The following ABI3BP variants were observed in gnomAD, a reference collection of about 807,000 sequenced individuals.
The protein encoded by ABI3BP is ABI family member 3 binding protein.
Under a neutral mutation model 268.6 loss-of-function variants are expected in ABI3BP, and 216 were observed. The observed-to-expected ratio is 0.80, with a 90% CI of 0.72 to 0.90. The LOEUF (loss-of-function observed/expected upper bound fraction) is 0.90. Among genes scored for constraint, ABI3BP ranks in the 40% least tolerant of loss-of-function variants. The probability of loss-of-function intolerance (pLI) is 0.00; values close to 1 mark genes in which losing one functional copy is unlikely to be tolerated. For synonymous variants in ABI3BP, 730 were observed against 730.0 expected, an observed-to-expected ratio of 1.00 and a Z score of 0.00; for missense variants, 2,090 against 2,182.4, an observed-to-expected ratio of 0.96 and a Z score of 0.84.
At chr3:100,778,222 G>A in intron 59 of ABI3BP, 62 bp downstream of exon 59, 1 of 1,505,950 alleles carries the variant, frequency 6.6e-7, no homozygotes, top group South Asian at 1.1e-5. Context: ...GCCAAGAAGA[G>A]CTTATGTTGG....
intron 1 of ABI3BP, among the ~76,000 whole-genome samples, chr3:100,959,010 G>A (rs1427201388): frequency 6.6e-6 from 1 of 152,120 alleles, no homozygotes; most frequent in Non-Finnish European, 1.5e-5. Context: ...AACCCCACGG[G>A]GGAAGAACAA....
chr3:100,848,818 G>T lies in ABI3BP; in HGVS notation c.1559C>A (p.Pro520Gln). 1 of 1,613,204 alleles carries T rather than the reference G, an allele frequency of 6.2e-7. No individual in the cohort carries two copies. Among genetic ancestry groups the T allele is most frequent in the Middle Eastern group, 1.7e-4 (1 of 6,056 alleles). ...STPKRRPRPK[P>Q]PRTKPERTTS... Reference sequence around the variant, plus strand: ...ACATTTACCAGGTTTGGTTCTTGGCGGTTTGGGCCGGGGGCGTCGTTTAGG... The same window carrying T: ...ACATTTACCAGGTTTGGTTCTTGGCTGTTTGGGCCGGGGGCGTCGTTTAGG... Residue 520 changes from proline (P) to glutamine (Q), a missense_variant, in exon 18 of 68, where the codon CCG becomes CAG. Transcript: ENST00000471714.
chr3:100,866,944 G>T lies in ABI3BP; in HGVS notation c.923C>A (p.Thr308Asn), dbSNP rs749837660. Residue 308 changes from threonine (T) to asparagine (N), a missense_variant, in exon 10 of 68, where the codon ACC (threonine) becomes AAC (asparagine). Transcript: ENST00000471714. Reference sequence around the variant, plus strand: ...TTTAGATTCGGCAGGTAATGCCAAGGTTTCATTCTTAGCTAAAAAGTCAGA... The same window carrying T: ...TTTAGATTCGGCAGGTAATGCCAAGTTTTCATTCTTAGCTAAAAAGTCAGA... ...ALKTQLAKNETLALPAESKTP... is the reference protein window; with the variant it reads ...ALKTQLAKNENLALPAESKTP... The T allele has an allele frequency of 1.2e-6, 2 of 1,613,704 alleles. No individual in the cohort carries two copies. Among genetic ancestry groups the T allele is most frequent in the Non-Finnish European group, 8.5e-7 (1 of 1,179,718 alleles).
At chr3:100,871,642 G>A (rs2099110753) in intron 9 of ABI3BP, among the ~76,000 whole-genome samples, 1 of 152,192 alleles carries the variant, frequency 6.6e-6, no homozygotes, top group African/African-American at 2.4e-5. Context: ...ATCCATGTAA[G>A]ATATGACTTG....
intron 1 of ABI3BP, among the ~76,000 whole-genome samples, chr3:100,959,011 G>T (rs1014062885): frequency 6.6e-6 from 1 of 152,136 alleles, no homozygotes. Flanking sequence ...ACCCCACGGG[G>T]GAAGAACAAC....
chr3:100,864,562 T>A, intron 11 of ABI3BP: 1 of 423,090 alleles, frequency 2.4e-6, no homozygotes, highest in Non-Finnish European at 4.2e-6. Flanking sequence ...TCTGTCTGTA[T>A]AACCCAGAGA....
intron 55 of ABI3BP, among the ~76,000 whole-genome samples, chr3:100,792,397 G>A (rs2097219962): frequency 6.6e-6 from 1 of 151,544 alleles, no homozygotes; most frequent in Non-Finnish European, 1.5e-5. Context: ...TGGAAAACGA[G>A]GCAAATGAAG....
chr3:100,908,490 C>T (rs1483526970), intron 2 of ABI3BP, among the ~76,000 whole-genome samples: 1 of 151,998 alleles, frequency 6.6e-6, no homozygotes, highest in Admixed American at 6.6e-5. Context: ...AGGGCTTCTT[C>T]AAGAAGAACT....
At chr3:100,926,610 T>C in intron 1 of ABI3BP, 129 bp from the exon 2 acceptor site, 1 of 826,402 alleles carries the variant, frequency 1.2e-6, no homozygotes, top group South Asian at 1.7e-5. Context: ...TGCTACTCAG[T>C]ATTACAGCAC....
At chr3:100,756,966 A>G (rs1445014153) in intron 63 of ABI3BP, among the ~76,000 whole-genome samples, 1 of 146,942 alleles carries the variant, frequency 6.8e-6, no homozygotes, top group Non-Finnish European at 1.5e-5. Flanking sequence ...TCACAGATGA[A>G]TGACATCATA....
At chr3:100,861,897 A>G (rs1484767063) in intron 14 of ABI3BP, among the ~76,000 whole-genome samples, 1 of 152,242 alleles carries the variant, frequency 6.6e-6, no homozygotes, top group Non-Finnish European at 1.5e-5. Flanking sequence ...ATCTTCACAT[A>G]GTAAGCTCTT....
chr3:100,985,407 C>A lies in ABI3BP; in HGVS notation c.79+7899G>T, dbSNP rs544899282. Among the ~76,000 whole-genome samples, 34 of 152,102 alleles carry A rather than the reference C, an allele frequency of 2.2e-4. 1 individual carries two copies. The South Asian group carries it at 4.6e-3, about 20-fold the overall frequency. On this transcript the variant is annotated intron_variant, in intron 1 of 67. Coordinates refer to ENST00000471714, the MANE Select transcript of ABI3BP (RefSeq NM_001375547.2). Reference sequence around the variant, plus strand: ...CTCGTGATCCGCCCGCCTTGGCCTCCCAAAGTGCTGGGATTACAGGCATGA... The same window carrying A: ...CTCGTGATCCGCCCGCCTTGGCCTCACAAAGTGCTGGGATTACAGGCATGA...
At chr3:100,983,589 T>G (rs926415792) in intron 1 of ABI3BP, among the ~76,000 whole-genome samples, 11 of 152,220 alleles carry the variant, frequency 7.2e-5, no homozygotes, top group African/African-American at 2.7e-4. Flanking sequence ...GGTTGTTAAA[T>G]GAGGATAAAG....
intron 10 of ABI3BP, 130 bp from the exon 11 acceptor site, chr3:100,865,037 T>C (rs1192329531): frequency 1.3e-5 from 9 of 710,302 alleles, no homozygotes; most frequent in Middle Eastern, 3.7e-4. Context: ...TGTGTTACTA[T>C]GTAAAGAGCT....
At chr3:100,952,814 C>G (rs1395385711) in intron 1 of ABI3BP, 2 of 152,098 alleles carry the variant, frequency 1.3e-5, no homozygotes, top group African/African-American at 4.8e-5. Context: ...CAGCAAAGCA[C>G]TAAGACACTG....
At chr3:100,971,868 A>C (rs2083752911) in intron 1 of ABI3BP, among the ~76,000 whole-genome samples, 1 of 152,210 alleles carries the variant, frequency 6.6e-6, no homozygotes, top group Non-Finnish European at 1.5e-5. Context: ...GGTCATTAAA[A>C]ATATATTTTA....
intron 6 of ABI3BP, among the ~76,000 whole-genome samples, chr3:100,880,615 G>A (rs1275135852): frequency 2.6e-5 from 4 of 152,124 alleles, no homozygotes; most frequent in Admixed American, 6.5e-5. Context: ...GACTACTAGA[G>A]TCTAAAGGGT....
chr3:100,860,920 AC>A (rs1438836655), intron 14 of ABI3BP, among the ~76,000 whole-genome samples: 2 of 152,184 alleles, frequency 1.3e-5, no homozygotes, highest in East Asian at 3.9e-4. Context: ...ATAAACCATC[AC>A]ATATGCCCCT....
chr3:100,781,325 C>T (rs1489082383), intron 57 of ABI3BP, among the ~76,000 whole-genome samples: 1 of 152,104 alleles, frequency 6.6e-6, no homozygotes, highest in Admixed American at 6.6e-5. Flanking sequence ...TTATGACATT[C>T]AGGGGATGAA....
Sources: gnomAD v4.1 joint callset for allele counts (sites outside exome capture counted in the v4.1 genomes callset) on GRCh38, gnomAD v4.1.1 for gene constraint, MANE v1.5 for transcripts, NCBI Gene and HGNC (gene_info 2026-07-23, HGNC 2026-07-21) for gene names.